The following APCDD1L variants were observed in gnomAD, a reference collection of about 807,000 sequenced individuals.
The protein encoded by APCDD1L is protein APCDD1-like.
Under a neutral mutation model 24.2 loss-of-function variants are expected in APCDD1L, and 21 were observed. That is an observed-to-expected ratio of 0.87 (90% CI 0.61 to 1.25). The LOEUF is 1.25. Among genes scored for constraint, APCDD1L ranks in the 50% most tolerant of loss-of-function variants. APCDD1L has a pLI of 0.00. For synonymous variants in APCDD1L, 321 were observed against 323.6 expected (o/e 0.99, Z 0.09); for missense variants, 704 against 711.7 (o/e 0.99, Z 0.12).
chr20:58,492,807 A>G (rs1281147330), intron 1 of APCDD1L, among the ~76,000 whole-genome samples: 2 of 152,224 alleles, frequency 1.3e-5, no homozygotes, highest in African/African-American at 4.8e-5. Context: ...GCAAGCATGC[A>G]TACATGCACA....
intron 1 of APCDD1L, among the ~76,000 whole-genome samples, chr20:58,489,860 A>G (rs1990192353): frequency 6.6e-6 from 1 of 152,160 alleles, no homozygotes; most frequent in Non-Finnish European, 1.5e-5. Flanking sequence ...AAGAAAAAGA[A>G]TGGAAATTCA....
At chr20:58,488,995 A>G (rs1365544566) in intron 1 of APCDD1L, among the ~76,000 whole-genome samples, 1 of 152,166 alleles carries the variant, frequency 6.6e-6, no homozygotes, top group East Asian at 1.9e-4. Flanking sequence ...AAAGGAAAGA[A>G]GAGTGGGTGA....
rs554200854 is a variant in APCDD1L, at chr20:58,466,710, C to T, written c.741+396G>A. On this transcript the variant is annotated intron_variant, in intron 3 of 3. Coordinates refer to ENST00000371149, the MANE Select transcript of APCDD1L (RefSeq NM_153360.3). ...GCGGGCTGAGAGCTGGCAAGGGTCA[C>T]CTGCGGGAAACGGGGAACGGTAGAA... 2.0e-5 allele frequency among the ~76,000 whole-genome samples: 3 copies of T among 152,290 alleles called. No individual in the cohort carries two copies. The South Asian group carries it at 6.2e-4, about 32-fold the overall frequency.
At chr20:58,481,030 C>G (rs950037281) in intron 1 of APCDD1L, among the ~76,000 whole-genome samples, 4 of 152,206 alleles carry the variant, frequency 2.6e-5, no homozygotes, top group African/African-American at 9.6e-5. Context: ...TTATTTATAC[C>G]AAACTTGGCC....
At chr20:58,477,507 A>G (rs1989932642) in intron 1 of APCDD1L, among the ~76,000 whole-genome samples, 1 of 152,240 alleles carries the variant, frequency 6.6e-6, no homozygotes, top group Admixed American at 6.5e-5. Flanking sequence ...CTCAGGAGGC[A>G]CACCATGGCA....
chr20:58,485,334 T>A (rs1318054594), intron 1 of APCDD1L, among the ~76,000 whole-genome samples: 1 of 152,240 alleles, frequency 6.6e-6, no homozygotes, highest in Non-Finnish European at 1.5e-5. Flanking sequence ...TTATCTTCCA[T>A]CGGTGATGTA....
At chr20:58,513,711 C>A (rs892167429) in intron 1 of APCDD1L, 7 of 430,412 alleles carry the variant, frequency 1.6e-5, no homozygotes, top group Non-Finnish European at 3.3e-5. Flanking sequence ...TCCTCCTGCA[C>A]GTGCTCTCGT....
chr20:58,511,689 T>A (rs1990630630), intron 1 of APCDD1L, among the ~76,000 whole-genome samples: 1 of 152,194 alleles, frequency 6.6e-6, no homozygotes, highest in Non-Finnish European at 1.5e-5. Flanking sequence ...AAGTAACTAA[T>A]ACGATTACGG....
At chr20:58,487,846 T>G (rs1258645915) in intron 1 of APCDD1L, among the ~76,000 whole-genome samples, 1 of 152,254 alleles carries the variant, frequency 6.6e-6, no homozygotes, top group East Asian at 1.9e-4. Context: ...GGCATAGTTT[T>G]GCACAAGGCT....
At chr20:58,470,876 G>A (rs535530634) in intron 1 of APCDD1L, 129 bp from the exon 2 acceptor site, 46 of 1,317,980 alleles carry the variant, frequency 3.5e-5, no homozygotes, top group Admixed American at 1.4e-4. Flanking sequence ...TCGCAGCCCC[G>A]TCCCCAGGGT....
In APCDD1L at chr20:58,467,338, G is replaced by C. The variant is rs762146641; in HGVS notation, c.509C>G (p.Pro170Arg). The C allele has an allele frequency of 6.7e-7, 1 of 1,497,880 alleles. No individual in the cohort carries two copies. The highest frequency in any genetic ancestry group is 1.3e-5 in the South Asian group (1 of 78,772). The allele number at this position is 1,497,880 out of a possible 1,614,324, so 92.8% of individuals were successfully genotyped here. A position where few individuals can be genotyped will look rare whatever the true frequency, so the allele number is the denominator to read the frequency against. ...GCTCCGCAGCTCGTACAGCGCCCCA[G>C]GCAGCCAGGCCCGGGCCGGAGGCAG... ...RRLPPARAWL[P>R]GALYELRSAR... is the part of the protein sequence containing the mutation. The change falls in exon 3 of 4, where the codon CCT becomes CGT. Residue 170 changes from proline to arginine, a missense_variant. Pro to Arg is a moderately radical substitution (Grantham distance 103). Transcript: ENST00000371149. The surrounding 1 kb of genome is among the most constrained non-coding windows in gnomAD (Gnocchi z 5.9).
At chr20:58,464,243 C>T (rs1813507833) in intron 3 of APCDD1L, among the ~76,000 whole-genome samples, 1 of 152,132 alleles carries the variant, frequency 6.6e-6, no homozygotes, top group South Asian at 2.1e-4. Context: ...CCTTACCCAC[C>T]ACAAAAGACA....
At chr20:58,470,487 C>T in intron 2 of APCDD1L, 122 bp downstream of exon 2, 3 of 1,339,388 alleles carry the variant, frequency 2.2e-6, no homozygotes, top group South Asian at 3.1e-5. Context: ...AGCAGCTTGG[C>T]AGGTAGAAGG....
At position 58,483,140 on chromosome 20, in the gene APCDD1L, G is replaced by A. The variant is rs564068256; in HGVS notation, c.50-12393C>T. ...GGAGAGAGCTGTAATGGGCACTCCA[G>A]GCAGGAGCTGTAAAGGTAGCAGGGA... is the stretch of plus-strand genomic sequence containing the variant. On this transcript the variant is annotated intron_variant, in intron 1 of 3. Transcript: ENST00000371149. Among the ~76,000 whole-genome samples, 7 of 152,310 alleles carry A rather than the reference G, an allele frequency of 4.6e-5. No individual in the cohort carries two copies. In the East Asian group the frequency reaches 1.4e-3, roughly 29 times the overall value.
Position 58,461,713 on chromosome 20 carries a change from G to C in APCDD1L, c.742-159C>G. On this transcript the variant is annotated intron_variant, in intron 3 of 3. Coordinates refer to ENST00000371149, the MANE Select transcript of APCDD1L (RefSeq NM_153360.3). This position sits in a 1 kb window ranked among gnomAD's most constrained non-coding sequence, Gnocchi z 6.0. ...CTCACTCCCTGCCTTCAGTCAGGAC[G>C]ACCTCCTTGCTTCAGCCAGGATGGC... The C allele has an allele frequency of 4.1e-6, 3 of 731,796 alleles. No individual in the cohort carries two copies. Among genetic ancestry groups the C allele is most frequent in the African/African-American group, 1.8e-5 (1 of 55,400 alleles). The allele number at this position is 731,796 out of a possible 1,614,324, so 45.3% of individuals were successfully genotyped here. A position where few individuals can be genotyped will look rare whatever the true frequency, so the allele number is the denominator to read the frequency against.
intron 1 of APCDD1L, among the ~76,000 whole-genome samples, chr20:58,511,473 G>A (rs6070489): frequency 0.48 from 73,404 of 152,066 alleles, 19,804 homozygotes; most frequent in Admixed American, 0.6. Flanking sequence ...ATTTCTTCAC[G>A]TGTAGCTTCT....
chr20:58,466,484 G>C (rs1485334005), intron 3 of APCDD1L, among the ~76,000 whole-genome samples: 1 of 152,252 alleles, frequency 6.6e-6, no homozygotes, highest in African/African-American at 2.4e-5. Context: ...CTGAGATTTC[G>C]AGGGGGTGGC....
intron 1 of APCDD1L, chr20:58,514,110 G>A (rs1380180295): frequency 2.3e-6 from 1 of 437,414 alleles, no homozygotes; most frequent in Non-Finnish European, 3.8e-6. Context: ...CTCTACCAGG[G>A]GTTCCTGAAG....
At chr20:58,473,806 C>T (rs769810920) in intron 1 of APCDD1L, among the ~76,000 whole-genome samples, 1 of 152,146 alleles carries the variant, frequency 6.6e-6, no homozygotes, top group Non-Finnish European at 1.5e-5. Context: ...TTACTGTTTA[C>T]CCACTAATTA....
Sources: allele counts gnomAD v4.1 joint callset (sites outside exome capture counted in the v4.1 genomes callset), GRCh38; gene constraint gnomAD v4.1.1; non-coding constraint Gnocchi (gnomAD v3.1); transcripts MANE v1.5; gene names NCBI Gene and HGNC (gene_info 2026-07-23, HGNC 2026-07-21).